Variants in IYD observed in about 807,000 individuals in gnomAD.
The protein encoded by IYD is iodotyrosine deiodinase 1.
Under a neutral mutation model 28.4 loss-of-function variants are expected in IYD, and 25 were observed. The observed-to-expected ratio is 0.88, with a 90% CI of 0.64 to 1.23. The LOEUF (loss-of-function observed/expected upper bound fraction) is 1.23. Among genes scored for constraint, IYD ranks in the 50% most tolerant of loss-of-function variants. The probability of loss-of-function intolerance (pLI) is 0.00; values close to 1 mark genes in which losing one functional copy is unlikely to be tolerated. For synonymous variants in IYD, 140 were observed against 130.8 expected (o/e 1.07, Z -0.48); for missense variants, 352 against 357.9 (o/e 0.98, Z 0.13).
chr6:150,404,630 C>A lies in IYD; in HGVS notation c.*6393C>A, dbSNP rs571429874. ...TAATAAACAAAGCCTATAACTAAGA[C>A]TGATGCTTTAAGGGAGTTTGGCTTA... On this transcript the variant is annotated 3_prime_UTR_variant, in exon 5 of 5. Transcript: ENST00000344419. 6.6e-6 allele frequency: 1 copy of A among 152,314 alleles called. No homozygotes were observed. The highest frequency in any genetic ancestry group is 2.4e-5 in the African/African-American group (1 of 41,582). 9.4% of individuals were successfully genotyped at this position (152,314 alleles called of 1,614,324 possible). A position where few individuals can be genotyped will look rare whatever the true frequency, so the allele number is the denominator to read the frequency against.
At chr6:150,382,628 A>T (rs953613140) in intron 1 of IYD, among the ~76,000 whole-genome samples, 1 of 152,110 alleles carries the variant, frequency 6.6e-6, no homozygotes, top group East Asian at 1.9e-4. Context: ...TGTCTTTTAC[A>T]TTCTCACCTA....
intron 4 of IYD, among the ~76,000 whole-genome samples, chr6:150,397,376 C>G (rs992318873): frequency 6.6e-6 from 1 of 151,860 alleles, no homozygotes; most frequent in African/African-American, 2.4e-5. Flanking sequence ...TGAGACAAAC[C>G]TGGGCAATAT....
intron 1 of IYD, among the ~76,000 whole-genome samples, chr6:150,387,904 C>CT (rs1340534663): frequency 1.3e-5 from 2 of 151,344 alleles, no homozygotes; most frequent in East Asian, 1.9e-4. Context: ...ATAAGCTTGT[C>CT]TTTTTTCTCT....
intron 1 of IYD, among the ~76,000 whole-genome samples, chr6:150,387,843 C>A (rs1777935559): frequency 6.6e-6 from 1 of 151,112 alleles, no homozygotes; most frequent in South Asian, 2.1e-4. Flanking sequence ...TTTATTTTTT[C>A]TTCTTTTTAA....
Position 150,401,785 on chromosome 6 carries a change from CTTAA to C in IYD, c.*3553_*3556del. ...GATTGCATCACTGCGAGGAAGTATA[CTTAA>C]TTAAGAAAGTTGAAAATGGTTTGTG... On this transcript the variant is annotated 3_prime_UTR_variant, in exon 5 of 5. Coordinates refer to ENST00000344419, the MANE Select transcript of IYD (RefSeq NM_203395.3). The C allele has an allele frequency of 6.6e-6, 1 of 152,286 alleles. No homozygotes were observed. Among genetic ancestry groups the C allele is most frequent in the South Asian group, 2.1e-4 (1 of 4,824 alleles). 9.4% of individuals were successfully genotyped at this position (152,286 alleles called of 1,614,324 possible). A position where few individuals can be genotyped will look rare whatever the true frequency, so the allele number is the denominator to read the frequency against.
intron 1 of IYD, among the ~76,000 whole-genome samples, chr6:150,381,972 G>A (rs1334845556): frequency 1.3e-5 from 2 of 152,152 alleles, no homozygotes; most frequent in African/African-American, 4.8e-5. Context: ...TATGTGCATG[G>A]ATTTTTCTGG....
rs1019867474 is a variant in IYD, at chr6:150,405,040, A to G, written c.*6803A>G. On this transcript the variant is annotated 3_prime_UTR_variant, in exon 5 of 5. Transcript: ENST00000344419. ...TATTCAGTACATATTGAATGTGTGC[A>G]GAAATATATCTCAATCTAGTCATAA... 2.7e-5 allele frequency: 4 copies of G among 149,610 alleles called. No homozygotes were observed. Among genetic ancestry groups the G allele is most frequent in the Admixed American group, 1.3e-4 (2 of 15,176 alleles). The allele number at this position is 149,610 out of a possible 1,614,324, so 9.3% of individuals were successfully genotyped here. A position where few individuals can be genotyped will look rare whatever the true frequency, so the allele number is the denominator to read the frequency against.
At chr6:150,388,732 C>T (rs1217438226) in intron 1 of IYD, among the ~76,000 whole-genome samples, 2 of 126,884 alleles carry the variant, frequency 1.6e-5, no homozygotes, top group African/African-American at 6.4e-5. Flanking sequence ...GATGGAGTCT[C>T]ACTCTGTCAC....
At chr6:150,394,980 A>G (rs1017160221) in intron 4 of IYD, among the ~76,000 whole-genome samples, 4 of 152,136 alleles carry the variant, frequency 2.6e-5, no homozygotes, top group African/African-American at 4.8e-5. Context: ...GGCAGGCACC[A>G]CCATGCTAAT....
At position 150,398,125 on chromosome 6, in the gene IYD, G is replaced by A. The variant is rs369994249; in HGVS notation, c.758G>A (p.Arg253His). The change falls in exon 5 of 5, where the codon CGC (arginine) becomes CAC (histidine). Residue 253 changes from arginine to histidine, a missense_variant. By Grantham distance (29) the Arg-to-His change is conservative. Transcript: ENST00000344419. ...CCTCGACTGAGGGTGCTCCTGGGCC[G>A]CCCCGCACATGAAAAGCTGCTGATG... ...CGPRLRVLLG[R>H]PAHEKLLMLL... 4.5e-5 allele frequency: 73 copies of A among 1,614,022 alleles called. No homozygotes were observed. The highest frequency in any genetic ancestry group is 6.7e-5 in the Admixed American group (4 of 59,994).
rs1335777230 is a variant in IYD, at chr6:150,401,111, T to C, written c.*2874T>C. The C allele has an allele frequency of 6.6e-6, 1 of 152,234 alleles. No individual in the cohort carries two copies. Among genetic ancestry groups the C allele is most frequent in the Non-Finnish European group, 1.5e-5 (1 of 68,042 alleles). The allele number at this position is 152,234 out of a possible 1,614,324, so 9.4% of individuals were successfully genotyped here. Reference sequence around the variant, plus strand: ...TTAGGTGGAGCATATACAGTTCTCATTATACTCTTATTTTAAATTTATATT... The same window carrying C: ...TTAGGTGGAGCATATACAGTTCTCACTATACTCTTATTTTAAATTTATATT... On this transcript the variant is annotated 3_prime_UTR_variant, in exon 5 of 5. Coordinates refer to ENST00000344419, the MANE Select transcript of IYD (RefSeq NM_203395.3).
At position 150,398,739 on chromosome 6, in the gene IYD, C is replaced by T. The variant is rs1778418261; in HGVS notation, c.*502C>T. The T allele has an allele frequency of 6.4e-6, 1 of 156,038 alleles. No individual in the cohort carries two copies. The highest frequency in any genetic ancestry group is 1.4e-5 in the Non-Finnish European group (1 of 70,754). 9.7% of individuals were successfully genotyped at this position (156,038 alleles called of 1,614,324 possible). A position where few individuals can be genotyped will look rare whatever the true frequency, so the allele number is the denominator to read the frequency against. On this transcript the variant is annotated 3_prime_UTR_variant, in exon 5 of 5. Coordinates refer to ENST00000344419, the MANE Select transcript of IYD (RefSeq NM_203395.3). ...CACTCTGCTAGTTTTGAATAAGTAACCATCAAAGTTACTAAAACATGGCCA... is the reference window on the plus strand; with the variant it reads ...CACTCTGCTAGTTTTGAATAAGTAATCATCAAAGTTACTAAAACATGGCCA...
intron 1 of IYD, among the ~76,000 whole-genome samples, chr6:150,377,279 G>C (rs565676863): frequency 7.2e-5 from 11 of 152,202 alleles, no homozygotes; most frequent in African/African-American, 2.2e-4. Context: ...CTGCTCTAGA[G>C]TGAAGGCAGG....
At chr6:150,394,282 G>T in intron 4 of IYD, 27 bp downstream of exon 4, 1 of 1,613,580 alleles carries the variant, frequency 6.2e-7, no homozygotes, top group Non-Finnish European at 8.5e-7. Context: ...AGGGTTACAG[G>T]GTGGCCTTAT....
Position 150,398,537 on chromosome 6 carries a change from TA to T in IYD, c.*306del. On this transcript the variant is annotated 3_prime_UTR_variant, in exon 5 of 5. Transcript: ENST00000344419. ...ACTATTGGCTTTTTTCTTTTATTTT[TA>T]AAAAACTCACATAGAGGAGACAATC... 1 of 304,792 alleles carries T rather than the reference TA, an allele frequency of 3.3e-6. No homozygotes were observed. The highest frequency in any genetic ancestry group is 4.6e-5 in the Admixed American group (1 of 21,670). 18.9% of individuals were successfully genotyped at this position (304,792 alleles called of 1,614,324 possible).
Position 150,389,406 on chromosome 6 carries a change from A to G in IYD, c.233A>G (p.His78Arg). ...AATGTTGAACACATCCCCTTCTCTC[A>G]TAACCACTATCCTGAGAAGGAAATG... ...EENVEHIPFSHNHYPEKEMVK... is the reference protein window; with the variant it reads ...EENVEHIPFSRNHYPEKEMVK... Residue 78 changes from histidine to arginine, a missense_variant, in exon 2 of 5, where the codon CAT becomes CGT. By Grantham distance (29) the His-to-Arg change is conservative. Coordinates refer to ENST00000344419, the MANE Select transcript of IYD (RefSeq NM_203395.3). 3 of 1,613,508 alleles carry G rather than the reference A, an allele frequency of 1.9e-6. No individual in the cohort carries two copies. Among genetic ancestry groups the G allele is most frequent in the Non-Finnish European group, 2.5e-6 (3 of 1,179,472 alleles).
At chr6:150,378,052 C>A (rs1024469873) in intron 1 of IYD, among the ~76,000 whole-genome samples, 1 of 152,172 alleles carries the variant, frequency 6.6e-6, no homozygotes, top group African/African-American at 2.4e-5. Context: ...AAAGTAGCGC[C>A]TGCTAACGTT....
chr6:150,403,387 T>C lies in IYD; in HGVS notation c.*5150T>C, dbSNP rs1247718218. 1.3e-5 allele frequency: 2 copies of C among 152,246 alleles called. No individual in the cohort carries two copies. The highest frequency in any genetic ancestry group is 2.9e-5 in the Non-Finnish European group (2 of 68,050). 9.4% of individuals were successfully genotyped at this position (152,246 alleles called of 1,614,324 possible). A position where few individuals can be genotyped will look rare whatever the true frequency, so the allele number is the denominator to read the frequency against. On this transcript the variant is annotated 3_prime_UTR_variant, in exon 5 of 5. Transcript: ENST00000344419. ...AATGTGGCTTCAGCTCTGCTGCTAC[T>C]GTGCCTCCCTTCTCCTGCCCCACTC...
intron 1 of IYD, among the ~76,000 whole-genome samples, chr6:150,387,811 A>T (rs1291923272): frequency 6.6e-6 from 1 of 151,808 alleles, no homozygotes; most frequent in Non-Finnish European, 1.5e-5. Flanking sequence ...ATTAGCTTTT[A>T]TTCTTTATTT....
Sources: gnomAD v4.1 joint callset for allele counts (sites outside exome capture counted in the v4.1 genomes callset) on GRCh38, gnomAD v4.1.1 for gene constraint, MANE v1.5 for transcripts, NCBI Gene and HGNC (gene_info 2026-07-23, HGNC 2026-07-21) for gene names.